Variants in PRDX4 observed in about 807,000 individuals in gnomAD.
The protein encoded by PRDX4 is peroxiredoxin 4.
A neutral mutation model predicts 20.5 loss-of-function variants in PRDX4; 12 were observed. That is an observed-to-expected ratio of 0.58 (90% CI 0.37 to 0.95). PRDX4 has a LOEUF of 0.95. Ranked by LOEUF, PRDX4 falls within the 40% of genes least tolerant of loss-of-function variation. The pLI is 0.01. For missense variants in PRDX4, 180 were observed against 207.3 expected (o/e 0.87, Z 0.81); for synonymous variants, 99 against 87.5 (o/e 1.13, Z -0.73).
intron 5 of PRDX4, among the ~76,000 whole-genome samples, chrX:23,682,874 A>ATATATATATATG (rs1928115549): frequency 1.2e-5 from 1 of 84,975 alleles, no homozygotes; most frequent in African/African-American, 4.2e-5. Flanking sequence ...ATATATATAT[A>ATATATATATATG]TATAAACTAA....
chrX:23,678,828 T>C (rs1380749404), intron 3 of PRDX4, among the ~76,000 whole-genome samples: 1 of 110,036 alleles, frequency 9.1e-6, no homozygotes, highest in East Asian at 2.9e-4. Context: ...AGTCCCAGCT[T>C]CTCAGGGGGC....
chrX:23,681,933 C>T (rs925369445), intron 4 of PRDX4, among the ~76,000 whole-genome samples: 4 of 111,464 alleles, frequency 3.6e-5, no homozygotes, highest in African/African-American at 1.3e-4. Flanking sequence ...CCCAGCTACT[C>T]AGTAGGCTGT....
At chrX:23,679,705 A>G (rs961593354) in intron 4 of PRDX4, among the ~76,000 whole-genome samples, 54 of 108,752 alleles carry the variant, frequency 5.0e-4, no homozygotes, top group Non-Finnish European at 9.6e-4. Flanking sequence ...TTGGCTGGGC[A>G]TGGTGGCTCA....
chrX:23,682,903 T>C lies in PRDX4; in HGVS notation c.730+377T>C, dbSNP rs1397643650. Among the ~76,000 whole-genome samples, 18 of 86,385 alleles carry C rather than the reference T, an allele frequency of 2.1e-4. No homozygotes were observed. The East Asian group carries it at 7.0e-3, about 34-fold the overall frequency. 75.0% of individuals were successfully genotyped at this position (86,385 alleles called of 115,157 possible). A position where few individuals can be genotyped will look rare whatever the true frequency, so the allele number is the denominator to read the frequency against. ...AAACTAATATATTCTGCTTACTAAA[T>C]GAGATGCAAAAATATTCACTATTTG... On this transcript the variant is annotated intron_variant, in intron 5 of 6. Transcript: ENST00000379341.
At chrX:23,674,860 A>G in intron 2 of PRDX4, 130 bp from the exon 3 acceptor site, 1 of 890,349 alleles carries the variant, frequency 1.1e-6, no homozygotes, top group Non-Finnish European at 1.5e-6. Context: ...CATTTTGAAA[A>G]GGTTCAAATA....
intron 3 of PRDX4, among the ~76,000 whole-genome samples, chrX:23,678,041 C>T (rs754760377): frequency 2.2e-4 from 24 of 109,289 alleles, no homozygotes; most frequent in South Asian, 1.6e-3. Context: ...CCAAGGTGGG[C>T]GGATCACCTG....
intron 2 of PRDX4, 123 bp from the exon 3 acceptor site, chrX:23,674,867 A>G: frequency 1.1e-6 from 1 of 945,305 alleles, no homozygotes; most frequent in Non-Finnish European, 1.4e-6. Flanking sequence ...AAAAGGTTCA[A>G]ATATAAAATT....
At position 23,684,100 on chromosome X, in the gene PRDX4, G is replaced by C. The variant is rs373513149; in HGVS notation, c.765+395G>C. Among the ~76,000 whole-genome samples, 29 of 103,519 alleles carry C rather than the reference G, an allele frequency of 2.8e-4. No homozygotes were observed. In the South Asian group the frequency reaches 6.7e-3, roughly 24 times the overall value. The allele number at this position is 103,519 out of a possible 115,157, so 89.9% of individuals were successfully genotyped here. On this transcript the variant is annotated intron_variant, in intron 6 of 6. Coordinates refer to ENST00000379341, the MANE Select transcript of PRDX4 (RefSeq NM_006406.2). ...TTAGAATAATCTTCCCTTGTTACTA[G>C]AACTGTCTTGATTTTGTAAATGAAG...
chrX:23,686,210 A>G (rs1171521822), intron 6 of PRDX4, 75 bp from the exon 7 acceptor site: 1 of 787,689 alleles, frequency 1.3e-6, no homozygotes, highest in East Asian at 3.3e-5. Flanking sequence ...AGGCATGGGC[A>G]ACTAATGTCA....
intron 1 of PRDX4, among the ~76,000 whole-genome samples, chrX:23,669,907 ACT>A (rs1230841605): frequency 2.1e-4 from 20 of 96,764 alleles, no homozygotes; most frequent in African/African-American, 6.3e-4. Context: ...ACAGACTGAG[ACT>A]CTTGTCTCAA....
intron 4 of PRDX4, 137 bp downstream of exon 4, chrX:23,679,424 C>T: frequency 2.7e-6 from 2 of 730,623 alleles, no homozygotes; most frequent in Non-Finnish European, 3.8e-6. Flanking sequence ...GTAGCTCAAG[C>T]CTGTAATCCT....
intron 5 of PRDX4, among the ~76,000 whole-genome samples, chrX:23,683,215 A>T (rs960764753): frequency 3.2e-4 from 36 of 111,047 alleles, no homozygotes; most frequent in Middle Eastern, 4.2e-3. Context: ...TATTCCTTTT[A>T]AAAATGTCAC....
chrX:23,671,921 GATAAT>G (rs1927852341), intron 2 of PRDX4, among the ~76,000 whole-genome samples: 1 of 112,219 alleles, frequency 8.9e-6, no homozygotes, highest in Non-Finnish European at 1.9e-5. Flanking sequence ...AAAATGGACT[GATAAT>G]ATATTAGAAA....
chrX:23,669,474 CTT>C, intron 1 of PRDX4, among the ~76,000 whole-genome samples: 1 of 111,659 alleles, frequency 9.0e-6, no homozygotes, highest in Non-Finnish European at 1.9e-5. Flanking sequence ...GATACAAAGA[CTT>C]TTGTTAGTAA....
chrX:23,670,097 G>A (rs1450988890), intron 1 of PRDX4, among the ~76,000 whole-genome samples: 1 of 110,975 alleles, frequency 9.0e-6, no homozygotes, highest in Non-Finnish European at 1.9e-5. Context: ...GACAATTTTT[G>A]TTTTTTTAAT....
intron 3 of PRDX4, among the ~76,000 whole-genome samples, chrX:23,678,587 G>T (rs550745116): frequency 9.0e-6 from 1 of 111,543 alleles, no homozygotes; most frequent in African/African-American, 3.3e-5. Context: ...CCGAGATCAC[G>T]CTGCTGCACT....
At chrX:23,678,313 G>A (rs1460894208) in intron 3 of PRDX4, among the ~76,000 whole-genome samples, 1 of 107,624 alleles carries the variant, frequency 9.3e-6, no homozygotes, top group Non-Finnish European at 1.9e-5. Flanking sequence ...AAGTCAAGGA[G>A]TATCTGTGTA....
intron 6 of PRDX4, 72 bp downstream of exon 6, chrX:23,683,777 G>T: frequency 1.1e-6 from 1 of 936,614 alleles, no homozygotes; most frequent in African/African-American, 2.0e-5. Flanking sequence ...GGGCGCAGTG[G>T]CTCACGCCTG....
intron 3 of PRDX4, among the ~76,000 whole-genome samples, chrX:23,675,654 A>T (rs189151515): frequency 6.2e-5 from 7 of 112,602 alleles, no homozygotes; most frequent in African/African-American, 2.3e-4. Flanking sequence ...GCCAAGATTT[A>T]AAAGATTGAA....
Sources: allele counts gnomAD v4.1 joint callset (sites outside exome capture counted in the v4.1 genomes callset), GRCh38; gene constraint gnomAD v4.1.1; transcripts MANE v1.5; gene names NCBI Gene and HGNC (gene_info 2026-07-23, HGNC 2026-07-21).